SCNN1A: variants seen among roughly 807,000 people sequenced by gnomAD.
The protein encoded by SCNN1A is sodium channel epithelial 1 subunit alpha, also known as epithelial sodium channel subunit alpha.
In SCNN1A, 65 loss-of-function variants were observed where a neutral mutation model predicts 68.6. That is an observed-to-expected ratio of 0.95 (90% CI 0.78 to 1.16). The LOEUF is 1.16. SCNN1A is among the 50% of genes most tolerant of loss of function. The pLI is 0.00. For synonymous variants in SCNN1A, 357 were observed against 353.3 expected, an observed-to-expected ratio of 1.01 and a Z score of -0.12; for missense variants, 880 against 865.9, an observed-to-expected ratio of 1.02 and a Z score of -0.20.
At chr12:6,376,041 G>C (rs928056910), upstream of SCNN1A, 52 of 993,980 alleles carry the variant, frequency 5.2e-5, no homozygotes, top group Non-Finnish European at 5.4e-5. Flanking sequence ...AGAGCAAGGG[G>C]GGAGTCCCAA....
Position 6,362,120 on chromosome 12 carries a change from G to A in SCNN1A, c.806C>T (p.Ser269Phe), listed in dbSNP as rs72645109. The change falls in exon 4 of 13, where the codon TCC (serine) becomes TTC (phenylalanine). Residue 269 changes from serine to phenylalanine, a missense_variant. Around this residue, in one of 3 missense-constraint regions of SCNN1A, gnomAD observed 758 missense variants for 721.8 expected, o/e 1.05. Transcript: ENST00000228916. ...ILSRLPETLP[S>F]LEEDTLGNFI... is the part of the protein sequence containing the mutation. ...GTTGCCCAGCGTGTCCTCCTCCAGG[G>A]ATGGCAGAGTCTCTGGCAGCCTCGA... 1 of 1,614,278 alleles carries A rather than the reference G, an allele frequency of 6.2e-7. No homozygotes were observed. The highest frequency in any genetic ancestry group is 8.5e-7 in the Non-Finnish European group (1 of 1,180,046).
intron 2 of SCNN1A, among the ~76,000 whole-genome samples, chr12:6,366,181 T>C (rs1324509257): frequency 6.6e-6 from 1 of 152,192 alleles, no homozygotes; most frequent in African/African-American, 2.4e-5. Flanking sequence ...TAAAAGATTC[T>C]GACCCTGTAC....
At chr12:6,355,584 T>C in intron 5 of SCNN1A, 149 bp from the exon 6 acceptor site, 1 of 1,055,914 alleles carries the variant, frequency 9.5e-7, no homozygotes, top group Non-Finnish European at 1.4e-6. Context: ...TGGCAACCCC[T>C]GAGCTGGAAT....
At chr12:6,377,039 C>G (rs1024629490), upstream of SCNN1A, 53 of 520,904 alleles carry the variant, frequency 1.0e-4, no homozygotes, top group African/African-American at 5.4e-4. Context: ...TAGGGGCTCA[C>G]TGCAGGAGAC....
At chr12:6,375,437 G>A in intron 1 of SCNN1A, 68 bp downstream of exon 1, 5 of 1,534,126 alleles carry the variant, frequency 3.3e-6, no homozygotes, top group Non-Finnish European at 3.5e-6. Context: ...CCACTCCCAG[G>A]TTGCGGCTGG....
intron 8 of SCNN1A, 42 bp from the exon 9 acceptor site, chr12:6,349,447 G>T (rs1592060066): frequency 1.4e-6 from 2 of 1,428,988 alleles, no homozygotes; most frequent in East Asian, 4.9e-5. Context: ...GGGCACCTCA[G>T]CTTTCTCTAC....
In SCNN1A at chr12:6,348,021, GGGT is replaced by G. The variant is rs769618870; in HGVS notation, c.1859_1861del (p.His620del). On this transcript the variant is annotated inframe_deletion, in exon 13 of 13. Coordinates refer to ENST00000228916, the MANE Select transcript of SCNN1A (RefSeq NM_001038.6). The stretch of plus-strand genomic sequence containing the variant: ...TGGCTGGGACAAGGACAGAGACATG[GGGT>G]GGGGGCAGAAGTGGGAAGGAGGGGA... 1 of 1,598,284 alleles carries G rather than the reference GGGT, an allele frequency of 6.3e-7. No individual in the cohort carries two copies. The highest frequency in any genetic ancestry group is 8.5e-7 in the Non-Finnish European group (1 of 1,172,144).
chr12:6,351,632 G>T lies in SCNN1A; in HGVS notation c.1361-2227C>A, dbSNP rs1037508473. Among the ~76,000 whole-genome samples the T allele has an allele frequency of 2.1e-5, 2 of 97,470 alleles. No homozygotes were observed. The highest frequency in any genetic ancestry group is 4.4e-5 in the Non-Finnish European group (2 of 45,198). The allele number at this position is 97,470 out of a possible 152,430, so 63.9% of individuals were successfully genotyped here. A position where few individuals can be genotyped will look rare whatever the true frequency, so the allele number is the denominator to read the frequency against. ...ACAGAGGGAGATTCTGTCTCCAGAA[G>T]AAAAAAAAAAAAAAAGATTCAGAAT... On this transcript the variant is annotated intron_variant, in intron 8 of 12. Coordinates refer to ENST00000228916, the MANE Select transcript of SCNN1A (RefSeq NM_001038.6). This position sits in a 1 kb window ranked among gnomAD's most constrained non-coding sequence, Gnocchi z 4.2.
chr12:6,353,756 A>T (rs1412169546), intron 8 of SCNN1A: 1 of 120,280 alleles, frequency 8.3e-6, no homozygotes. Context: ...CGCCCGGCTA[A>T]TTTTTTGTAT....
chr12:6,362,488 T>A (rs1346180433), intron 3 of SCNN1A, among the ~76,000 whole-genome samples: 3 of 151,890 alleles, frequency 2.0e-5, no homozygotes, highest in Non-Finnish European at 4.4e-5. Flanking sequence ...ACGGTTTTGG[T>A]TCATTTATAC....
At position 6,351,582 on chromosome 12, in the gene SCNN1A, G is replaced by A. The variant is rs547376857; in HGVS notation, c.1361-2177C>T. 9.7e-4 allele frequency among the ~76,000 whole-genome samples: 147 copies of A among 151,002 alleles called. No homozygotes were observed. The Middle Eastern group carries it at 0.01, about 10-fold the overall frequency. ...GCAGAGGTAGCAGTGAGCCAAGATC[G>A]CGCCACTGCACTCCAGTCTGGGCGA... is the stretch of plus-strand genomic sequence containing the variant. On this transcript the variant is annotated intron_variant, in intron 8 of 12. Coordinates refer to ENST00000228916, the MANE Select transcript of SCNN1A (RefSeq NM_001038.6). The surrounding 1 kb of genome is among the most constrained non-coding windows in gnomAD (Gnocchi z 4.2).
At chr12:6,370,560 T>G (rs1948771322) in intron 2 of SCNN1A, among the ~76,000 whole-genome samples, 2 of 152,212 alleles carry the variant, frequency 1.3e-5, no homozygotes, top group Admixed American at 1.3e-4. Context: ...CCATCCCACC[T>G]GGGATGAGAA....
chr12:6,348,154 G>A lies in SCNN1A; in HGVS notation c.1729C>T (p.Leu577=). ...VEMAELVFDL[L]VIMFLMLLRR... is the part of the protein sequence containing the mutation. ...AGCAGCATGAGGAACATGATGACCA[G>A]CAGGTCAAAGACGAGCTCAGCCATC... The change falls in exon 13 of 13, where the codon CTG becomes TTG. Residue 577 remains leucine, a synonymous_variant. Coordinates refer to ENST00000228916, the MANE Select transcript of SCNN1A (RefSeq NM_001038.6). 1 of 1,614,184 alleles carries A rather than the reference G, an allele frequency of 6.2e-7. No homozygotes were observed. Among genetic ancestry groups the A allele is most frequent in the Non-Finnish European group, 8.5e-7 (1 of 1,180,034 alleles).
In SCNN1A at chr12:6,365,093, G is replaced by T. The variant is rs56969194; in HGVS notation, c.417-1383C>A. Among the ~76,000 whole-genome samples the T allele has an allele frequency of 4.4e-3, 649 of 146,240 alleles. 3 individuals are homozygous for T. The highest frequency in any genetic ancestry group is 0.016 in the African/African-American group (618 of 39,350). ...GCTGGGGTGCAGTGACACAATCGCC[G>T]CTCACTGCAGCCTCCTCCTGGGCTC... On this transcript the variant is annotated intron_variant, in intron 2 of 12. Transcript: ENST00000228916.
intron 2 of SCNN1A, among the ~76,000 whole-genome samples, chr12:6,365,811 T>C (rs1296588249): frequency 6.6e-6 from 1 of 152,220 alleles, no homozygotes; most frequent in Non-Finnish European, 1.5e-5. Flanking sequence ...AAGAAAAATA[T>C]CTAACAAATA....
rs1948618369 is a variant in SCNN1A at position 6,363,482 on chromosome 12, G to A, written c.645C>T (p.Pro215=). 6.2e-7 allele frequency: 1 copy of A among 1,606,498 alleles called. No homozygotes were observed. Among genetic ancestry groups the A allele is most frequent in the South Asian group, 1.1e-5 (1 of 90,128 alleles). ...TCTTCCAGTCCTTCCAGTCCACCTGGGGGTTGTTGTCCCGCAAGCTGGAGG... is the reference window on the plus strand; with the variant it reads ...TCTTCCAGTCCTTCCAGTCCACCTGAGGGTTGTTGTCCCGCAAGCTGGAGG... ...SVASSLRDNN[P]QVDWKDWKIG... Residue 215 remains proline, a synonymous_variant, in exon 3 of 13, where the codon CCC becomes CCT. Coordinates refer to ENST00000228916, the MANE Select transcript of SCNN1A (RefSeq NM_001038.6).
At chr12:6,355,215 C>G in intron 6 of SCNN1A, 57 bp downstream of exon 6, 1 of 1,572,672 alleles carries the variant, frequency 6.4e-7, no homozygotes, top group Non-Finnish European at 8.7e-7. Context: ...CATGCCTCCC[C>G]GCTGCCCCTC....
intron 4 of SCNN1A, among the ~76,000 whole-genome samples, chr12:6,360,274 G>A (rs1233970283): frequency 1.3e-5 from 2 of 152,160 alleles, no homozygotes; most frequent in Admixed American, 1.3e-4. Flanking sequence ...GCTGACCTAA[G>A]CGCCTAAGTG....
At chr12:6,350,042 A>G in intron 8 of SCNN1A, 1 of 182,136 alleles carries the variant, frequency 5.5e-6, no homozygotes, top group Non-Finnish European at 1.2e-5. Context: ...ATAAATTAAT[A>G]AAGAAAGAAA....
Sources: allele counts gnomAD v4.1 joint callset (sites outside exome capture counted in the v4.1 genomes callset), GRCh38; gene constraint gnomAD v4.1.1; regional missense constraint gnomAD v4.1.1; non-coding constraint Gnocchi (gnomAD v3.1); transcripts MANE v1.5; gene names NCBI Gene and HGNC (gene_info 2026-07-23, HGNC 2026-07-21).